Variants in HSPA4 observed in about 807,000 individuals in gnomAD.
HSPA4 encodes the protein heat shock protein family A (Hsp70) member 4, also known as heat shock 70 kDa protein 4.
A neutral mutation model predicts 106.2 loss-of-function variants in HSPA4; 25 were observed. The observed-to-expected ratio is 0.24, with a 90% confidence interval of 0.17 to 0.33. HSPA4 has a LOEUF of 0.33. HSPA4 is among the 10% of genes least tolerant of loss of function. HSPA4 has a pLI of 1.00. For missense variants in HSPA4, 841 were observed against 996.0 expected (o/e 0.84, Z 2.10); for synonymous variants, 332 against 333.6 (o/e 1.00, Z 0.05).
At chr5:133,081,405 G>A (rs1315843985) in intron 7 of HSPA4, among the ~76,000 whole-genome samples, 1 of 152,096 alleles carries the variant, frequency 6.6e-6, no homozygotes, top group South Asian at 2.1e-4. Context: ...TCCCTCTTTT[G>A]TGTTTACTGT....
chr5:133,066,815 A>G (rs1765312923), intron 2 of HSPA4, among the ~76,000 whole-genome samples: 1 of 151,236 alleles, frequency 6.6e-6, no homozygotes, highest in African/African-American at 2.4e-5. Flanking sequence ...CCCAGGTTCA[A>G]ATGATTCTCA....
At chr5:133,080,799 G>C (rs971210259) in intron 7 of HSPA4, among the ~76,000 whole-genome samples, 1 of 151,314 alleles carries the variant, frequency 6.6e-6, no homozygotes, top group Non-Finnish European at 1.5e-5. Flanking sequence ...TTCTAATTCT[G>C]TTCTAGGTCT....
intron 11 of HSPA4, 99 bp downstream of exon 11, chr5:133,089,794 A>G: frequency 2.1e-6 from 2 of 943,680 alleles, no homozygotes; most frequent in Non-Finnish European, 3.0e-6. Flanking sequence ...TGGGAGGATC[A>G]CTTGAGCTGA....
intron 3 of HSPA4, among the ~76,000 whole-genome samples, chr5:133,069,494 G>A (rs1581468490): frequency 3.3e-5 from 5 of 152,138 alleles, no homozygotes; most frequent in Admixed American, 3.3e-4. Context: ...CAAGTGATTT[G>A]CCCGCCTCAG....
Position 133,104,408 on chromosome 5 carries a change from A to G in HSPA4, c.2495A>G (p.Lys832Arg), listed in dbSNP as rs773035136. 13 of 1,614,172 alleles carry G rather than the reference A, an allele frequency of 8.1e-6. No homozygotes were observed. Among genetic ancestry groups the G allele is most frequent in the East Asian group, 6.7e-5 (3 of 44,886 alleles). ...ACAGCTGTGCCTTCGGATTCAGACA[A>G]GAAGCTTCCTGAAATGGACATTGAT... ...TDTAVPSDSD[K>R]KLPEMDID Residue 832 changes from lysine (K) to arginine (R), a missense_variant, in exon 19 of 19, where the codon AAG becomes AGG. By Grantham distance (26) the Lys-to-Arg change is conservative. This residue lies in a region of HSPA4 where 328 missense variants were observed against 372.2 expected (regional missense o/e 0.88). Coordinates refer to ENST00000304858, the MANE Select transcript of HSPA4 (RefSeq NM_002154.4).
Position 133,064,884 on chromosome 5 carries a change from A to G in HSPA4, c.108-96A>G. Reference sequence around the variant, plus strand: ...TCATAGATTTGTACCATTAAAATATATGGCATTTTAGCTGATACTCAGATC... The same window carrying G: ...TCATAGATTTGTACCATTAAAATATGTGGCATTTTAGCTGATACTCAGATC... On this transcript the variant is annotated intron_variant, in intron 1 of 18. Coordinates refer to ENST00000304858, the MANE Select transcript of HSPA4 (RefSeq NM_002154.4). The G allele has an allele frequency of 4.0e-6, 4 of 1,003,472 alleles. No individual in the cohort carries two copies. The South Asian group carries it at 5.4e-5, about 14-fold the overall frequency. 62.2% of individuals were successfully genotyped at this position (1,003,472 alleles called of 1,614,324 possible).
intron 3 of HSPA4, among the ~76,000 whole-genome samples, chr5:133,067,888 C>T (rs1466517267): frequency 6.7e-6 from 1 of 149,996 alleles, no homozygotes; most frequent in East Asian, 2.0e-4. Context: ...GCAAAGCAAT[C>T]ACAGTTTTTT....
intron 1 of HSPA4, among the ~76,000 whole-genome samples, chr5:133,061,203 A>G (rs910781364): frequency 5.3e-5 from 8 of 151,344 alleles, no homozygotes; most frequent in African/African-American, 1.9e-4. Flanking sequence ...CCTCACTGCA[A>G]GCTCCACCTG....
At chr5:133,061,199 T>C (rs1312962874) in intron 1 of HSPA4, among the ~76,000 whole-genome samples, 2 of 151,436 alleles carry the variant, frequency 1.3e-5, no homozygotes, top group East Asian at 3.9e-4. Context: ...CTCTCCTCAC[T>C]GCAAGCTCCA....
intron 2 of HSPA4, among the ~76,000 whole-genome samples, chr5:133,066,700 A>G (rs1267188785): frequency 6.9e-6 from 1 of 144,976 alleles, no homozygotes; most frequent in Non-Finnish European, 1.5e-5. Flanking sequence ...TTTATGAGAA[A>G]TTTGTTTCAC....
At chr5:133,101,266 C>T (rs939834582) in intron 16 of HSPA4, among the ~76,000 whole-genome samples, 6 of 152,156 alleles carry the variant, frequency 3.9e-5, no homozygotes, top group African/African-American at 1.4e-4. Context: ...CCCATGTCGC[C>T]CCACCCTTTC....
chr5:133,073,459 G>C, intron 5 of HSPA4, 130 bp downstream of exon 5: 1 of 630,858 alleles, frequency 1.6e-6, no homozygotes, highest in Non-Finnish European at 2.8e-6. Flanking sequence ...TGTGGTCATG[G>C]TGTTTTTGGA....
At chr5:133,062,371 T>G (rs1383535080) in intron 1 of HSPA4, among the ~76,000 whole-genome samples, 1 of 152,172 alleles carries the variant, frequency 6.6e-6, no homozygotes, top group Non-Finnish European at 1.5e-5. Flanking sequence ...TTAGTTATGT[T>G]GTGATTGGGG....
intron 6 of HSPA4, 80 bp from the exon 7 acceptor site, chr5:133,076,574 C>A (rs1027092893): frequency 7.9e-7 from 1 of 1,269,610 alleles, no homozygotes; most frequent in Non-Finnish European, 1.1e-6. Context: ...TTTAGATAAA[C>A]AACTTACCAG....
intron 6 of HSPA4, among the ~76,000 whole-genome samples, chr5:133,074,789 G>C (rs1322361839): frequency 6.6e-6 from 1 of 152,200 alleles, no homozygotes; most frequent in Non-Finnish European, 1.5e-5. Flanking sequence ...AGAAGGCAAG[G>C]AGGGGCCAGA....
intron 13 of HSPA4, among the ~76,000 whole-genome samples, chr5:133,094,698 G>A (rs1463813966): frequency 6.6e-6 from 1 of 152,144 alleles, no homozygotes; most frequent in East Asian, 1.9e-4. Flanking sequence ...AGGCTTCCTT[G>A]GGATGGCTCA....
chr5:133,065,586 G>A (rs967923483), intron 2 of HSPA4, among the ~76,000 whole-genome samples: 1 of 152,174 alleles, frequency 6.6e-6, no homozygotes, highest in African/African-American at 2.4e-5. Context: ...GGTGTATTTT[G>A]TCCAGATCTT....
chr5:133,103,437 C>T (rs184830812), intron 17 of HSPA4, among the ~76,000 whole-genome samples: 42 of 151,118 alleles, frequency 2.8e-4, no homozygotes, highest in Non-Finnish European at 4.9e-4. Flanking sequence ...GGTGTGATCT[C>T]GGCTCACTGC....
rs749131674 is a variant in HSPA4, at chr5:133,099,659, G to A, written c.2037+7G>A. 2.0e-6 allele frequency: 3 copies of A among 1,486,242 alleles called. No individual in the cohort carries two copies. The South Asian group carries it at 3.4e-5, about 17-fold the overall frequency. The allele number at this position is 1,486,242 out of a possible 1,614,324, so 92.1% of individuals were successfully genotyped here. A position where few individuals can be genotyped will look rare whatever the true frequency, so the allele number is the denominator to read the frequency against. ...TAAGTTGGCTGAATTAAAAGTAAGT[G>A]ACTCTTGAGAGCAGAGGTATCCAGA... On this transcript the variant is annotated splice_region_variant and intron_variant, in intron 16 of 18. Coordinates refer to ENST00000304858, the MANE Select transcript of HSPA4 (RefSeq NM_002154.4).
Sources: allele counts gnomAD v4.1 joint callset (sites outside exome capture counted in the v4.1 genomes callset), GRCh38; gene constraint gnomAD v4.1.1; regional missense constraint gnomAD v4.1.1; transcripts MANE v1.5; gene names NCBI Gene and HGNC (gene_info 2026-07-23, HGNC 2026-07-21).